The following SLC6A13 variants were observed in gnomAD, a reference collection of about 807,000 sequenced individuals.
The protein encoded by SLC6A13 is solute carrier family 6 member 13, also known as sodium- and chloride-dependent GABA transporter 2.
In SLC6A13, 69 loss-of-function variants were observed where a neutral mutation model predicts 72.9. The observed-to-expected ratio is 0.95, with a 90% CI of 0.78 to 1.16. The LOEUF (loss-of-function observed/expected upper bound fraction) is 1.16. Ranked by LOEUF, SLC6A13 falls within the 50% of genes most tolerant of loss-of-function variation. The probability of loss-of-function intolerance (pLI) is 0.00; values close to 1 mark genes in which losing one functional copy is unlikely to be tolerated. For synonymous variants in SLC6A13, 303 were observed against 303.0 expected, an observed-to-expected ratio of 1.00 and a Z score of 0.00; for missense variants, 735 against 760.5, an observed-to-expected ratio of 0.97 and a Z score of 0.39.
At chr12:236,359 G>A (rs1448540482) in intron 6 of SLC6A13, among the ~76,000 whole-genome samples, 1 of 152,026 alleles carries the variant, frequency 6.6e-6, no homozygotes, top group Non-Finnish European at 1.5e-5. Context: ...CGGCCCAGCT[G>A]TAAAATTCCT....
At chr12:226,541 G>A (rs1022085931) in intron 8 of SLC6A13, 27 bp from the exon 9 acceptor site, 17 of 1,608,936 alleles carry the variant, frequency 1.1e-5, no homozygotes, top group African/African-American at 4.0e-5. Context: ...AGGAGAGGGC[G>A]GAATGGCAGG....
intron 6 of SLC6A13, among the ~76,000 whole-genome samples, 191 bp from the exon 7 acceptor site, chr12:235,415 G>A (rs1046400013): frequency 8.5e-5 from 13 of 152,186 alleles, no homozygotes; most frequent in African/African-American, 3.1e-4. Context: ...GGACTGGCTG[G>A]AGCCACGGCA....
At chr12:251,072 C>T (rs1019063583) in intron 2 of SLC6A13, among the ~76,000 whole-genome samples, 6 of 151,306 alleles carry the variant, frequency 4.0e-5, no homozygotes, top group Admixed American at 6.6e-5. Flanking sequence ...AGGAGAATTG[C>T]GTGAACCCGG....
At chr12:221,576 T>TG (rs777637710) in intron 13 of SLC6A13, 30 bp from the exon 14 acceptor site, 2 of 779,198 alleles carry the variant, frequency 2.6e-6, no homozygotes, top group East Asian at 3.2e-5. Flanking sequence ...AGAAAGGGGT[T>TG]GGGGGGCGGG....
At chr12:239,576 T>G (rs1284323916) in intron 4 of SLC6A13, among the ~76,000 whole-genome samples, 3 of 152,234 alleles carry the variant, frequency 2.0e-5, no homozygotes, top group Admixed American at 2.0e-4. Context: ...ATAGCCCATC[T>G]TCTAACACGA....
At position 226,343 on chromosome 12, in the gene SLC6A13, G is replaced by A. The variant is rs747901540; in HGVS notation, c.1060+47C>T. 38 of 1,611,406 alleles carry A rather than the reference G, an allele frequency of 2.4e-5. No homozygotes were observed. In the Admixed American group the frequency reaches 6.2e-4, roughly 26 times the overall value. ...ACGCCTCTAGACGCTTGCTGCCAGAGGTTTGAACCAGGCTCACTGCCTCCA... is the reference window on the plus strand; with the variant it reads ...ACGCCTCTAGACGCTTGCTGCCAGAAGTTTGAACCAGGCTCACTGCCTCCA... On this transcript the variant is annotated intron_variant, in intron 9 of 14. Transcript: ENST00000343164.
intron 4 of SLC6A13, among the ~76,000 whole-genome samples, chr12:240,111 A>G (rs1942109449): frequency 6.6e-6 from 1 of 152,204 alleles, no homozygotes; most frequent in African/African-American, 2.4e-5. Context: ...ACTGTCTGAC[A>G]GGCTGGTTGT....
Position 224,417 on chromosome 12 carries a change from A to G in SLC6A13, c.1157T>C (p.Leu386Pro), listed in dbSNP as rs753022537. 7.4e-6 allele frequency: 12 copies of G among 1,613,872 alleles called. No individual in the cohort carries two copies. Among genetic ancestry groups the G allele is most frequent in the African/African-American group, 1.3e-5 (1 of 74,928 alleles). Residue 386 changes from leucine (L) to proline (P), a missense_variant, in exon 10 of 15, where the codon CTG becomes CCG. Physicochemically the swap from Leu to Pro is moderately conservative, Grantham distance 98 (BLOSUM62 -3). Transcript: ENST00000343164. Reference sequence around the variant, plus strand: ...TCTTGATACCTGGCTATCCAGTCCCAGGAGAACGACCATGAAGAAGAAACA... The same window carrying G: ...TCTTGATACCTGGCTATCCAGTCCCGGGAGAACGACCATGAAGAAGAAACA... Reference protein sequence around the residue: ...ACCFFFMVVLLGLDSQFVCVE... With the variant: ...ACCFFFMVVLPGLDSQFVCVE...
intron 1 of SLC6A13, 129 bp downstream of exon 1, chr12:262,660 T>A (rs1942964760): frequency 2.0e-6 from 2 of 983,886 alleles, no homozygotes; most frequent in South Asian, 9.4e-5. Context: ...TTTGCACACA[T>A]ACATGTCAGA....
At chr12:242,485 T>C (rs1591847753) in intron 4 of SLC6A13, 129 bp downstream of exon 4, 1 of 679,012 alleles carries the variant, frequency 1.5e-6, no homozygotes, top group Non-Finnish European at 2.3e-6. Context: ...ATTCTTGACA[T>C]AAGCTCTCCA....
In SLC6A13 at chr12:220,930, C is replaced by A; in HGVS notation, c.*18G>T. The A allele has an allele frequency of 6.2e-7, 1 of 1,610,982 alleles. No homozygotes were observed. Among genetic ancestry groups the A allele is most frequent in the Non-Finnish European group, 8.5e-7 (1 of 1,179,804 alleles). ...TCCCCAAGGCCAGGCACACAGGCAC[C>A]ATCCAAGGGCCTGCCCCCTAGCAGT... On this transcript the variant is annotated 3_prime_UTR_variant, in exon 15 of 15. Transcript: ENST00000343164.
At chr12:232,266 G>A (rs553569455) in intron 7 of SLC6A13, among the ~76,000 whole-genome samples, 7 of 152,058 alleles carry the variant, frequency 4.6e-5, no homozygotes, top group Admixed American at 2.0e-4. Flanking sequence ...CTTCCTCTCC[G>A]GCCTACCCGC....
chr12:238,490 G>C (rs1013104509), intron 4 of SLC6A13: 1 of 438,202 alleles, frequency 2.3e-6, no homozygotes, highest in African/African-American at 2.0e-5. Context: ...TGCTTCGCTC[G>C]TCTCTAAAAT....
At chr12:222,185 A>T (rs1941240211) in intron 13 of SLC6A13, among the ~76,000 whole-genome samples, 1 of 152,214 alleles carries the variant, frequency 6.6e-6, no homozygotes, top group Non-Finnish European at 1.5e-5. Context: ...GCCCAGCACA[A>T]AGTCAGGGCT....
At chr12:257,409 T>C (rs1024731065) in intron 2 of SLC6A13, 7 of 152,374 alleles carry the variant, frequency 4.6e-5, no homozygotes, top group African/African-American at 9.7e-5. Context: ...CATCAGCGAA[T>C]GGGGGCGAGG....
At chr12:236,952 C>G (rs565993489) in intron 6 of SLC6A13, 4 of 531,450 alleles carry the variant, frequency 7.5e-6, no homozygotes, top group East Asian at 2.9e-5. Flanking sequence ...GTCCTTCCTG[C>G]CTTTCTCGCT....
intron 2 of SLC6A13, among the ~76,000 whole-genome samples, chr12:257,625 C>T (rs754304577): frequency 2.6e-5 from 4 of 152,140 alleles, no homozygotes; most frequent in South Asian, 2.1e-4. Flanking sequence ...ACAGGACCCA[C>T]GTGAATGACC....
chr12:234,580 C>T (rs11062071), intron 7 of SLC6A13, among the ~76,000 whole-genome samples: 10,154 of 152,058 alleles, frequency 0.067, 470 homozygotes, highest in Middle Eastern at 0.099. Context: ...TGCAGTGGCG[C>T]GATCTCAGCT....
intron 2 of SLC6A13, among the ~76,000 whole-genome samples, chr12:251,239 C>G (rs1333677735): frequency 1.3e-5 from 2 of 151,704 alleles, no homozygotes; most frequent in African/African-American, 4.8e-5. Flanking sequence ...TCCTCAAGCA[C>G]AGTAATGAAC....
Sources: allele counts gnomAD v4.1 joint callset (sites outside exome capture counted in the v4.1 genomes callset), GRCh38; gene constraint gnomAD v4.1.1; transcripts MANE v1.5; gene names NCBI Gene and HGNC (gene_info 2026-07-23, HGNC 2026-07-21).